Variants in MRAP observed in about 807,000 individuals in gnomAD.
The protein encoded by MRAP is melanocortin-2 receptor accessory protein.
MRAP carries 8 observed loss-of-function variants against 8.7 expected under a neutral mutation model. The observed-to-expected ratio is 0.92, with a 90% confidence interval of 0.54 to 1.66. The LOEUF (loss-of-function observed/expected upper bound fraction) is 1.66, where lower values mean the gene tolerates loss of function less well. MRAP is among the 40% of genes most tolerant of loss of function. The probability of loss-of-function intolerance (pLI) is 0.00; values close to 1 mark genes in which losing one functional copy is unlikely to be tolerated. For synonymous variants in MRAP, 95 were observed against 95.5 expected (o/e 1.00, Z 0.03); for missense variants, 237 against 217.1 (o/e 1.09, Z -0.58).
At position 32,298,967 on chromosome 21, in the gene MRAP, C is replaced by T. The variant is rs1465262396; in HGVS notation, c.-5C>T. 2 of 1,612,038 alleles carry T rather than the reference C, an allele frequency of 1.2e-6. No homozygotes were observed. The highest frequency in any genetic ancestry group is 1.3e-5 in the African/African-American group (1 of 74,900). Reference sequence around the variant, plus strand: ...CCCGGACGCTGACTGCCCAGTGCCACAGACATGGCCAACGGGACCAACGCC... The same window carrying T: ...CCCGGACGCTGACTGCCCAGTGCCATAGACATGGCCAACGGGACCAACGCC... On this transcript the variant is annotated 5_prime_UTR_variant, in exon 1 of 3. Coordinates refer to ENST00000303645, the MANE Select transcript of MRAP (RefSeq NM_001379228.1).
upstream of MRAP, among the ~76,000 whole-genome samples, chr21:32,298,644 C>T (rs923518990): frequency 2.0e-5 from 3 of 152,174 alleles, no homozygotes; most frequent in South Asian, 2.1e-4. Context: ...GACTATTTCC[C>T]GCCCAGCTCC....
intron 1 of MRAP, among the ~76,000 whole-genome samples, chr21:32,299,915 A>G (rs1269595534): frequency 2.0e-5 from 3 of 152,154 alleles, no homozygotes; most frequent in Non-Finnish European, 2.9e-5. Flanking sequence ...TGTGTGGACA[A>G]TCTTCTCTGA....
downstream of MRAP, chr21:32,312,947 C>T (rs994234724): frequency 2.0e-5 from 3 of 152,176 alleles, no homozygotes; most frequent in African/African-American, 4.8e-5. Context: ...CCTTCCTCCA[C>T]ACTAAGTGAC....
intron 1 of MRAP, chr21:32,291,865 G>C (rs1005269014): frequency 6.6e-6 from 1 of 151,928 alleles, no homozygotes; most frequent in Non-Finnish European, 1.5e-5. Context: ...TAGAAAATCT[G>C]CCCCTTTTTC....
downstream of MRAP, chr21:32,314,648 G>C (rs1176889600): frequency 6.2e-7 from 1 of 1,614,006 alleles, no homozygotes; most frequent in Admixed American, 1.7e-5. Flanking sequence ...GGAAGGGGCG[G>C]CCTGACGAGG....
At chr21:32,302,567 A>T (rs1197835127) in intron 1 of MRAP, among the ~76,000 whole-genome samples, 2 of 152,220 alleles carry the variant, frequency 1.3e-5, no homozygotes, top group African/African-American at 4.8e-5. Flanking sequence ...ATCTCAGTCT[A>T]CAGGACTGGG....
intron 2 of MRAP, among the ~76,000 whole-genome samples, chr21:32,310,420 C>G (rs2032531404): frequency 6.6e-6 from 1 of 152,194 alleles, no homozygotes. Flanking sequence ...CCAGTGGGTT[C>G]ATCACTTGGT....
chr21:32,297,381 T>C (rs111893759), upstream of MRAP, among the ~76,000 whole-genome samples: 13 of 152,304 alleles, frequency 8.5e-5, no homozygotes, highest in African/African-American at 2.6e-4. Context: ...ATCATCTAGA[T>C]GGCATAGCAC....
rs1362741411 is a variant in MRAP at position 32,311,617 on chromosome 21, C to T, written c.207-67C>T. The T allele has an allele frequency of 2.6e-6, 4 of 1,564,124 alleles. No individual in the cohort carries two copies. In the African/African-American group the frequency reaches 4.1e-5, roughly 16 times the overall value. ...ATGGCAGGTGTGGCAGGAAACCCCC[C>T]AGCCCCACAGTATGGACTGTTCTGC... On this transcript the variant is annotated intron_variant, in intron 2 of 2. Coordinates refer to ENST00000303645, the MANE Select transcript of MRAP (RefSeq NM_001379228.1).
At chr21:32,299,253 A>G (rs939372751) in intron 1 of MRAP, among the ~76,000 whole-genome samples, 176 bp downstream of exon 1, 4 of 152,212 alleles carry the variant, frequency 2.6e-5, no homozygotes, top group Non-Finnish European at 5.9e-5. Context: ...GAGAAACTGT[A>G]TTTGCTAACT....
upstream of MRAP, among the ~76,000 whole-genome samples, chr21:32,296,435 G>T (rs1332844899): frequency 6.6e-6 from 1 of 152,108 alleles, no homozygotes; most frequent in Non-Finnish European, 1.5e-5. Context: ...TGGTGTGGGG[G>T]ATGTCTTTGT....
intron 1 of MRAP, among the ~76,000 whole-genome samples, chr21:32,302,837 A>T (rs556628468): frequency 1.8e-4 from 27 of 152,238 alleles, no homozygotes; most frequent in Admixed American, 3.3e-4. Context: ...ACCTTGTCAC[A>T]TTGTTCTCTG....
chr21:32,304,652 CAA>C (rs2032362190), intron 1 of MRAP, among the ~76,000 whole-genome samples: 1 of 52,966 alleles, frequency 1.9e-5, no homozygotes, highest in Non-Finnish European at 5.8e-5. Context: ...ACAAAACAAA[CAA>C]ACAAACAAAA....
At chr21:32,303,115 G>T (rs2032328778) in intron 1 of MRAP, among the ~76,000 whole-genome samples, 1 of 151,876 alleles carries the variant, frequency 6.6e-6, no homozygotes, top group Non-Finnish European at 1.5e-5. Flanking sequence ...AAGTAGCTGG[G>T]ATTACAGGTA....
At chr21:32,312,346 A>G, downstream of MRAP, 6 of 1,209,894 alleles carry the variant, frequency 5.0e-6, no homozygotes, top group Non-Finnish European at 4.2e-6. Context: ...GTAATGCGTT[A>G]TCAGCCCTGA....
At chr21:32,297,516 C>T (rs1439955278), upstream of MRAP, among the ~76,000 whole-genome samples, 1 of 152,172 alleles carries the variant, frequency 6.6e-6, no homozygotes, top group Non-Finnish European at 1.5e-5. Context: ...CCCTTTCCCA[C>T]ACCCTGCCCC....
At chr21:32,295,365 T>C (rs1257488506), upstream of MRAP, among the ~76,000 whole-genome samples, 1 of 152,136 alleles carries the variant, frequency 6.6e-6, no homozygotes, top group African/African-American at 2.4e-5. Flanking sequence ...GATTCCTCCC[T>C]GGGGGTGGGC....
chr21:32,297,935 C>T (rs1210552985), upstream of MRAP, among the ~76,000 whole-genome samples: 2 of 152,182 alleles, frequency 1.3e-5, no homozygotes, highest in African/African-American at 4.8e-5. Context: ...TCTGGGTGGA[C>T]TGTCTACACT....
rs564521623 is a variant in MRAP at position 32,300,598 on chromosome 21, T to C, written c.106+1521T>C. Among the ~76,000 whole-genome samples the C allele has an allele frequency of 4.9e-4, 68 of 139,628 alleles. 1 individual carries two copies. The highest frequency in any genetic ancestry group is 4.0e-3 in the Admixed American group (53 of 13,260). 91.6% of individuals were successfully genotyped at this position (139,628 alleles called of 152,430 possible). On this transcript the variant is annotated intron_variant, in intron 1 of 2. Transcript: ENST00000303645. ...GTCATGTCAGGGGCGTCACACGTCCTATGTCGGATATGTCACGCGTCGTAT... is the reference window on the plus strand; with the variant it reads ...GTCATGTCAGGGGCGTCACACGTCCCATGTCGGATATGTCACGCGTCGTAT...
Sources: allele counts gnomAD v4.1 joint callset (sites outside exome capture counted in the v4.1 genomes callset), GRCh38; gene constraint gnomAD v4.1.1; transcripts MANE v1.5; gene names NCBI Gene and HGNC (gene_info 2026-07-23, HGNC 2026-07-21).